Variants in SNURF observed in about 807,000 individuals in gnomAD.
The protein encoded by SNURF is SNRPN upstream open reading frame, also known as SNURF protein.
SNURF carries 6 observed loss-of-function variants against 11.6 expected under a neutral mutation model. That is an observed-to-expected ratio of 0.52 (90% confidence interval 0.28 to 1.02). The LOEUF (loss-of-function observed/expected upper bound fraction) is 1.02. SNURF is among the 50% of genes least tolerant of loss of function. The pLI is 0.09. For synonymous variants in SNURF, 29 were observed against 31.6 expected, an observed-to-expected ratio of 0.92 and a Z score of 0.27; for missense variants, 84 against 88.4, an observed-to-expected ratio of 0.95 and a Z score of 0.20.
intron 1 of SNURF, among the ~76,000 whole-genome samples, chr15:24,955,811 C>T (rs1169843815): frequency 6.7e-6 from 1 of 149,792 alleles, no homozygotes; most frequent in Non-Finnish European, 1.5e-5. Context: ...CGGTGGTGGA[C>T]TTTGGCGGCG....
In SNURF at chr15:24,968,261, G is replaced by A. The variant is rs961533960; in HGVS notation, c.*224G>A. The A allele has an allele frequency of 2.0e-5, 10 of 507,202 alleles. No homozygotes were observed. The East Asian group carries it at 2.8e-4, about 14-fold the overall frequency. The allele number at this position is 507,202 out of a possible 1,614,324, so 31.4% of individuals were successfully genotyped here. ...TTAAATTTTCTGCCCTGACACTTTC[G>A]TCATGTTTCTGTATTCCAGTTATTG... is the stretch of plus-strand genomic sequence containing the variant. On this transcript the variant is annotated 3_prime_UTR_variant, in exon 3 of 3. Transcript: ENST00000577949.
At chr15:24,975,648 G>T (rs1427972548) in intron 4 of SNURF, 1 of 681,804 alleles carries the variant, frequency 1.5e-6, no homozygotes, top group East Asian at 2.5e-5. Flanking sequence ...TTAACCTCTT[G>T]ACCTGATCTC....
At chr15:24,955,097 C>G (rs1289376125) in intron 1 of SNURF, 35 bp downstream of exon 1, 2 of 1,613,318 alleles carry the variant, frequency 1.2e-6, no homozygotes, top group African/African-American at 2.7e-5. Flanking sequence ...CAAGAGACAG[C>G]CTGGGGAGCG....
downstream of SNURF, among the ~76,000 whole-genome samples, chr15:24,971,305 A>G (rs79183689): frequency 6.6e-6 from 1 of 152,194 alleles, no homozygotes; most frequent in African/African-American, 2.4e-5. Flanking sequence ...TTTCTCATGA[A>G]GTTTTGTTTT....
At chr15:24,955,267 T>A (rs934098068) in intron 1 of SNURF, among the ~76,000 whole-genome samples, 1 of 151,758 alleles carries the variant, frequency 6.6e-6, no homozygotes, top group Admixed American at 6.6e-5. Context: ...TCCGCTCGCA[T>A]TGGGGCGCGT....
downstream of SNURF, chr15:24,978,010 G>C: frequency 7.7e-7 from 1 of 1,299,936 alleles, no homozygotes; most frequent in Non-Finnish European, 1.1e-6. Context: ...AGAATTTGGG[G>C]AATATGCTTC....
chr15:24,978,665 A>G (rs2077329272), downstream of SNURF: 1 of 580,852 alleles, frequency 1.7e-6, no homozygotes, highest in South Asian at 2.3e-5. Flanking sequence ...CCTATTAAGC[A>G]GTTGATTCAA....
downstream of SNURF, chr15:24,978,673 C>T (rs2077329657): frequency 1.7e-6 from 1 of 573,396 alleles, no homozygotes; most frequent in Admixed American, 3.2e-5. Flanking sequence ...GCAGTTGATT[C>T]AAATCATATT....
chr15:24,977,157 C>A (rs2732020), intron 6 of SNURF: 64,276 of 647,886 alleles, frequency 0.099, 4,739 homozygotes, highest in African/African-American at 0.31. Flanking sequence ...GGAACCAAAA[C>A]ACAGATATAT....
chr15:24,970,117 A>C (rs1043755712), downstream of SNURF, among the ~76,000 whole-genome samples: 1 of 152,204 alleles, frequency 6.6e-6, no homozygotes, highest in African/African-American at 2.4e-5. Flanking sequence ...CGAAGTATAC[A>C]TTACAGCGTA....
chr15:24,971,432 C>T (rs1343920491), downstream of SNURF, among the ~76,000 whole-genome samples: 1 of 152,108 alleles, frequency 6.6e-6, no homozygotes, highest in Non-Finnish European at 1.5e-5. Context: ...TTTCTAAATT[C>T]CAAATCTGTC....
intron 1 of SNURF, among the ~76,000 whole-genome samples, chr15:24,955,707 G>C (rs1380167675): frequency 1.3e-5 from 2 of 150,768 alleles, no homozygotes; most frequent in South Asian, 2.1e-4. Context: ...TGGTCGCGGC[G>C]CGGGGAGAGT....
At chr15:24,956,566 G>A (rs2062940287) in intron 1 of SNURF, among the ~76,000 whole-genome samples, 2 of 151,994 alleles carry the variant, frequency 1.3e-5, no homozygotes, top group African/African-American at 2.4e-5. Context: ...GGTGACAGTC[G>A]CCTCCGCTTG....
downstream of SNURF, chr15:24,978,087 C>T (rs1344460680): frequency 3.1e-6 from 4 of 1,277,636 alleles, no homozygotes; most frequent in Non-Finnish European, 2.2e-6. Flanking sequence ...AGTTATTTGA[C>T]TCTATCATTG....
chr15:24,969,632 C>T (rs1045309386), downstream of SNURF, among the ~76,000 whole-genome samples: 3 of 152,190 alleles, frequency 2.0e-5, no homozygotes, highest in African/African-American at 4.8e-5. Flanking sequence ...TTTAGCTTCT[C>T]AGTTCAGTTC....
intron 1 of SNURF, among the ~76,000 whole-genome samples, chr15:24,961,464 A>G (rs1019875263): frequency 6.6e-6 from 1 of 152,116 alleles, no homozygotes; most frequent in East Asian, 1.9e-4. Flanking sequence ...AGTCCCTAAT[A>G]TGGCTAGTCT....
chr15:24,978,204 C>T (rs1000016488), downstream of SNURF: 11 of 1,613,812 alleles, frequency 6.8e-6, no homozygotes, highest in Non-Finnish European at 9.3e-6. Flanking sequence ...CATTATGGCT[C>T]CTCCACCTGG....
At chr15:24,963,454 A>G (rs956841623) in intron 2 of SNURF, among the ~76,000 whole-genome samples, 3 of 151,802 alleles carry the variant, frequency 2.0e-5, no homozygotes, top group Admixed American at 6.6e-5. Context: ...GTCTCTCCTA[A>G]AAATACAAAA....
At chr15:24,963,301 A>G (rs986572021) in intron 2 of SNURF, among the ~76,000 whole-genome samples, 2 of 152,212 alleles carry the variant, frequency 1.3e-5, no homozygotes, top group Non-Finnish European at 2.9e-5. Context: ...GCTATTAACA[A>G]TGAAAAGAAC....
Sources: allele counts gnomAD v4.1 joint callset (sites outside exome capture counted in the v4.1 genomes callset), GRCh38; gene constraint gnomAD v4.1.1; transcripts MANE v1.5; gene names NCBI Gene and HGNC (gene_info 2026-07-23, HGNC 2026-07-21).